Variants in SPINT1 observed in about 807,000 individuals in gnomAD.
SPINT1 encodes the protein serine peptidase inhibitor, Kunitz type 1.
SPINT1 carries 38 observed loss-of-function variants against 53.7 expected under a neutral mutation model. The observed-to-expected ratio is 0.71, with a 90% CI of 0.55 to 0.93. The LOEUF is 0.93. SPINT1 is among the 40% of genes least tolerant of loss of function. The pLI is 0.00. For synonymous variants in SPINT1, 283 were observed against 280.6 expected, an observed-to-expected ratio of 1.01 and a Z score of -0.08; for missense variants, 645 against 692.9, an observed-to-expected ratio of 0.93 and a Z score of 0.78.
In SPINT1 at chr15:40,857,187, C is replaced by T. The variant is rs1387734591; in HGVS notation, c.*212C>T. On this transcript the variant is annotated 3_prime_UTR_variant, in exon 11 of 11. Transcript: ENST00000562057. Reference sequence around the variant, plus strand: ...TGGAAGGAGCAGAAAACCCTTGGGCCAGAAGTACCAGACTAGATGGACCTG... The same window carrying T: ...TGGAAGGAGCAGAAAACCCTTGGGCTAGAAGTACCAGACTAGATGGACCTG... The T allele has an allele frequency of 1.5e-6, 1 of 649,232 alleles. No individual in the cohort carries two copies. The highest frequency in any genetic ancestry group is 2.6e-6 in the Non-Finnish European group (1 of 386,612). 40.2% of individuals were successfully genotyped at this position (649,232 alleles called of 1,614,324 possible).
In SPINT1 at chr15:40,844,622, G is replaced by A. The variant is rs753701598; in HGVS notation, c.68G>A (p.Trp23Ter). 2 of 1,609,468 alleles carry A rather than the reference G, an allele frequency of 1.2e-6. No homozygotes were observed. Among genetic ancestry groups the A allele is most frequent in the Admixed American group, 3.3e-5 (2 of 59,826 alleles). ...APAGIPAVALWLLCTLGLQGT... is the reference protein window; with the variant it reads ...APAGIPAVAL The stretch of plus-strand genomic sequence containing the variant: ...GCCGGCATCCCTGCCGTCGCCTTGT[G>A]GCTTCTGTGCACGCTCGGCCTCCAG... The change falls in exon 2 of 11, where the codon TGG becomes TAG. Residue 23 changes from tryptophan (W) to a stop codon, truncating the protein, a stop_gained. Transcript: ENST00000562057. LOFTEE classifies it high-confidence loss of function. This position sits in a 1 kb window ranked among gnomAD's most constrained non-coding sequence, Gnocchi z 5.8.
At chr15:40,849,611 TA>T (rs1300326386) in intron 2 of SPINT1, among the ~76,000 whole-genome samples, 1 of 152,236 alleles carries the variant, frequency 6.6e-6, no homozygotes, top group Non-Finnish European at 1.5e-5. Context: ...CCCAACATTA[TA>T]AAAGCAATTA....
intron 2 of SPINT1, among the ~76,000 whole-genome samples, chr15:40,852,197 C>T (rs893919254): frequency 5.3e-5 from 8 of 152,206 alleles, no homozygotes; most frequent in Non-Finnish European, 1.2e-4. Flanking sequence ...CTGCATCACT[C>T]TAGTCTCTGC....
intron 2 of SPINT1, among the ~76,000 whole-genome samples, chr15:40,849,203 G>A (rs1891386016): frequency 6.6e-6 from 1 of 151,142 alleles, no homozygotes. Context: ...CCAAGATCAC[G>A]CCACTGCCCT....
At chr15:40,846,220 C>T (rs1445489374) in intron 2 of SPINT1, among the ~76,000 whole-genome samples, 3 of 152,196 alleles carry the variant, frequency 2.0e-5, no homozygotes, top group Non-Finnish European at 4.4e-5. Flanking sequence ...CCTCTTTCTT[C>T]CCCGGACTGA....
At chr15:40,855,535 C>T (rs754191524) in intron 8 of SPINT1, among the ~76,000 whole-genome samples, 3 of 152,064 alleles carry the variant, frequency 2.0e-5, no homozygotes, top group Non-Finnish European at 2.9e-5. Flanking sequence ...GTGGGAGGAT[C>T]GCTTGGCCTA....
chr15:40,856,513 G>A (rs949101017), intron 10 of SPINT1, among the ~76,000 whole-genome samples, 190 bp downstream of exon 10: 7 of 152,140 alleles, frequency 4.6e-5, no homozygotes, highest in African/African-American at 1.7e-4. Context: ...GCGTGCCGAT[G>A]TCTGTCAGCA....
At position 40,844,103 on chromosome 15, in the gene SPINT1, G is replaced by A. The variant is rs1425998433; in HGVS notation, c.-149G>A. On this transcript the variant is annotated 5_prime_UTR_variant, in exon 1 of 11. Coordinates refer to ENST00000562057, the MANE Select transcript of SPINT1 (RefSeq NM_003710.4). The surrounding 1 kb of genome is among the most constrained non-coding windows in gnomAD (Gnocchi z 5.8). Reference sequence around the variant, plus strand: ...GCCGAGCCCCAGCTCTCCGAGCACCGGGTCGGAAGCCGCGACCCGAGCCGC... The same window carrying A: ...GCCGAGCCCCAGCTCTCCGAGCACCAGGTCGGAAGCCGCGACCCGAGCCGC... 2 of 431,616 alleles carry A rather than the reference G, an allele frequency of 4.6e-6. No homozygotes were observed. The highest frequency in any genetic ancestry group is 9.2e-6 in the Non-Finnish European group (2 of 217,980). 26.7% of individuals were successfully genotyped at this position (431,616 alleles called of 1,614,324 possible).
rs566587122 is a variant in SPINT1, at chr15:40,846,765, A to T, written c.475+1736A>T. Reference sequence around the variant, plus strand: ...GGCTAGTCTCTCTGCCAGGCTAAGGAGGGTCCTCTTTCCTCCCTATCCTTC... The same window carrying T: ...GGCTAGTCTCTCTGCCAGGCTAAGGTGGGTCCTCTTTCCTCCCTATCCTTC... On this transcript the variant is annotated intron_variant, in intron 2 of 10. Coordinates refer to ENST00000562057, the MANE Select transcript of SPINT1 (RefSeq NM_003710.4). Among the ~76,000 whole-genome samples, 66 of 152,218 alleles carry T rather than the reference A, an allele frequency of 4.3e-4. 1 individual carries two copies. The South Asian group carries it at 0.013, about 29-fold the overall frequency.
At position 40,853,821 on chromosome 15, in the gene SPINT1, G is replaced by C. The variant is rs779730861; in HGVS notation, c.853G>C (p.Gly285Arg). 6 of 1,614,208 alleles carry C rather than the reference G, an allele frequency of 3.7e-6. No individual in the cohort carries two copies. The South Asian group carries it at 6.6e-5, about 18-fold the overall frequency. ...GAGTTTCGTTTATGGAGGCTGCTTG[G>C]GCAACAAGAACAACTACCTTCGGGA... ...CKSFVYGGCL[G>R]NKNNYLREEE... Residue 285 changes from glycine to arginine, a missense_variant, in exon 5 of 11, where the codon GGC (glycine) becomes CGC (arginine). By Grantham distance (125) the Gly-to-Arg change is moderately radical (BLOSUM62 -2). Coordinates refer to ENST00000562057, the MANE Select transcript of SPINT1 (RefSeq NM_003710.4).
chr15:40,845,318 A>ATTTTTTTTTTTT (rs34480117), intron 2 of SPINT1, among the ~76,000 whole-genome samples: 1 of 58,182 alleles, frequency 1.7e-5, no homozygotes, highest in Non-Finnish European at 3.1e-5. Context: ...GACCCGGCTA[A>ATTTTTTTTTTTT]TTTTTTTTTT....
intron 2 of SPINT1, among the ~76,000 whole-genome samples, chr15:40,851,165 T>C (rs937513492): frequency 2.6e-5 from 4 of 152,036 alleles, no homozygotes; most frequent in African/African-American, 7.2e-5. Context: ...TTTCTTTTTT[T>C]TTTTTTTTAA....
At chr15:40,849,911 C>T (rs1265500460) in intron 2 of SPINT1, among the ~76,000 whole-genome samples, 1 of 152,172 alleles carries the variant, frequency 6.6e-6, no homozygotes, top group Non-Finnish European at 1.5e-5. Flanking sequence ...GCCATAGGGT[C>T]CCACTTGCGA....
At chr15:40,849,200 C>T (rs969998046) in intron 2 of SPINT1, among the ~76,000 whole-genome samples, 14 of 151,232 alleles carry the variant, frequency 9.3e-5, no homozygotes, top group Non-Finnish European at 1.5e-4. Flanking sequence ...GAGCCAAGAT[C>T]ACGCCACTGC....
In SPINT1 at chr15:40,844,860, G is replaced by C; in HGVS notation, c.306G>C (p.Val102=). The C allele has an allele frequency of 6.2e-7, 1 of 1,613,896 alleles. No individual in the cohort carries two copies. The highest frequency in any genetic ancestry group is 8.5e-7 in the Non-Finnish European group (1 of 1,180,024). The change falls in exon 2 of 11, where the codon GTG becomes GTC. Residue 102 remains valine, a synonymous_variant. Coordinates refer to ENST00000562057, the MANE Select transcript of SPINT1 (RefSeq NM_003710.4). This position sits in a 1 kb window ranked among gnomAD's most constrained non-coding sequence, Gnocchi z 5.8. ...CCCAGAACTGCAACTTGGCGCTAGTGGAGCTGCAGCCCGACCGCGGGGAGG... is the reference window on the plus strand; with the variant it reads ...CCCAGAACTGCAACTTGGCGCTAGTCGAGCTGCAGCCCGACCGCGGGGAGG... The part of the protein sequence containing the change: ...CTTQNCNLAL[V]ELQPDRGEDA...
In SPINT1 at chr15:40,850,305, C is replaced by CA. The variant is rs572052797; in HGVS notation, c.476-2818dup. 5.4e-4 allele frequency among the ~76,000 whole-genome samples: 83 copies of CA among 152,318 alleles called. 2 individuals carry two copies. The South Asian group carries it at 0.016, about 30-fold the overall frequency. The stretch of plus-strand genomic sequence containing the variant: ...CAGGGTGGTCTTGAACTCCCAACCT[C>CA]AGGTGATCCACCCGCCCCGCTTCCC... On this transcript the variant is annotated intron_variant, in intron 2 of 10. Transcript: ENST00000562057.
intron 6 of SPINT1, 30 bp downstream of exon 6, chr15:40,854,116 T>C: frequency 6.6e-7 from 1 of 1,520,640 alleles, no homozygotes; most frequent in Non-Finnish European, 8.8e-7. Context: ...CCATCCCCCA[T>C]CCCCACCACA....
chr15:40,856,113 T>C (rs1447070436), intron 9 of SPINT1, 51 bp downstream of exon 9: 1 of 1,606,476 alleles, frequency 6.2e-7, no homozygotes, highest in African/African-American at 1.3e-5. Flanking sequence ...GCTTAGCCAG[T>C]GGCCTCCACT....
rs1421940315 is a variant in SPINT1, at chr15:40,854,695, A to G, written c.1117+6A>G. The stretch of plus-strand genomic sequence containing the variant: ...CCATTTCCCCAGTGACAAAGGTGAG[A>G]TCCTCCCCAGGTGCCCTGGATCAGG... On this transcript the variant is annotated splice_donor_region_variant and intron_variant, in intron 8 of 10. Coordinates refer to ENST00000562057, the MANE Select transcript of SPINT1 (RefSeq NM_003710.4). 6.2e-7 allele frequency: 1 copy of G among 1,613,900 alleles called. No homozygotes were observed. Among genetic ancestry groups the G allele is most frequent in the African/African-American group, 1.3e-5 (1 of 74,906 alleles).
Sources: allele counts gnomAD v4.1 joint callset (sites outside exome capture counted in the v4.1 genomes callset), GRCh38; gene constraint gnomAD v4.1.1; non-coding constraint Gnocchi (gnomAD v3.1); transcripts MANE v1.5; gene names NCBI Gene and HGNC (gene_info 2026-07-23, HGNC 2026-07-21).